The following CD48 variants were observed in gnomAD, a reference collection of about 807,000 sequenced individuals.
The protein encoded by CD48 is CD48 molecule.
A neutral mutation model predicts 22.0 loss-of-function variants in CD48; 20 were observed. That is an observed-to-expected ratio of 0.91 (90% CI 0.64 to 1.32). The LOEUF (loss-of-function observed/expected upper bound fraction) is 1.32. Among genes scored for constraint, CD48 ranks in the 40% most tolerant of loss-of-function variants. The pLI is 0.00. For synonymous variants in CD48, 110 were observed against 110.1 expected (o/e 1.00, Z 0.01); for missense variants, 307 against 286.5 (o/e 1.07, Z -0.52).
chr1:160,702,425 TGAGTTTG>T (rs1460117214), intron 1 of CD48, among the ~76,000 whole-genome samples: 1 of 152,126 alleles, frequency 6.6e-6, no homozygotes, highest in Non-Finnish European at 1.5e-5. Context: ...AATGTTGGTC[TGAGTTTG>T]AAGTGTCCTA....
At chr1:160,684,690 C>T in intron 2 of CD48, 197 bp downstream of exon 2, 1 of 1,477,100 alleles carries the variant, frequency 6.8e-7, no homozygotes. Context: ...GTTAAATGTC[C>T]TAAGATTGTT....
chr1:160,698,126 C>T (rs1298818280), intron 1 of CD48, among the ~76,000 whole-genome samples: 1 of 152,050 alleles, frequency 6.6e-6, no homozygotes, highest in Non-Finnish European at 1.5e-5. Flanking sequence ...TCTAACGGTT[C>T]CTTTACAAAG....
chr1:160,696,332 A>G (rs1301032257), intron 1 of CD48, among the ~76,000 whole-genome samples: 1 of 152,302 alleles, frequency 6.6e-6, no homozygotes, highest in Non-Finnish European at 1.5e-5. Flanking sequence ...TATAGCATGG[A>G]CGATCAGTTA....
intron 1 of CD48, among the ~76,000 whole-genome samples, chr1:160,686,303 CT>C (rs1415597003): frequency 1.3e-5 from 2 of 152,162 alleles, no homozygotes; most frequent in East Asian, 3.9e-4. Flanking sequence ...AAAACTTTCA[CT>C]TCTGAGGCTG....
intron 1 of CD48, among the ~76,000 whole-genome samples, chr1:160,690,982 G>A (rs920736724): frequency 6.6e-6 from 1 of 152,176 alleles, no homozygotes; most frequent in Non-Finnish European, 1.5e-5. Context: ...TAAGGGCGGT[G>A]CAAGATGTGC....
In CD48 at chr1:160,708,224, G is replaced by A. The variant is rs761719081; in HGVS notation, c.82+3458C>T. On this transcript the variant is annotated intron_variant, in intron 1 of 3. Transcript: ENST00000368046. ...AAACACAAAAATGAAATTCATTTGCGGAGTAGGAAGTAGCTCACTGGCTAG... is the reference window on the plus strand; with the variant it reads ...AAACACAAAAATGAAATTCATTTGCAGAGTAGGAAGTAGCTCACTGGCTAG... Among the ~76,000 whole-genome samples the A allele has an allele frequency of 2.1e-4, 32 of 152,232 alleles. 1 individual carries two copies. The highest frequency in any genetic ancestry group is 7.7e-4 in the East Asian group (4 of 5,184).
chr1:160,680,848 A>G (rs1442823209), intron 3 of CD48: 43 of 1,319,604 alleles, frequency 3.3e-5, no homozygotes, highest in Middle Eastern at 2.9e-4. Context: ...CTGCTCGCCC[A>G]CTTGCCCTTC....
intron 1 of CD48, chr1:160,686,843 G>T (rs1453079751): frequency 4.0e-5 from 6 of 150,256 alleles, no homozygotes. Context: ...AGGAGGCAGG[G>T]CGAGATCACA....
rs561044363 is a variant in CD48, at chr1:160,693,794, G to A, written c.83-8605C>T. Reference sequence around the variant, plus strand: ...TGTCGGGAAACTAGCAAAGGGGCCAGCCTCAGGCCCTGCAACAAACTGGGG... The same window carrying A: ...TGTCGGGAAACTAGCAAAGGGGCCAACCTCAGGCCCTGCAACAAACTGGGG... On this transcript the variant is annotated intron_variant, in intron 1 of 3. Transcript: ENST00000368046. Among the ~76,000 whole-genome samples the A allele has an allele frequency of 7.2e-5, 11 of 152,404 alleles. No homozygotes were observed. In the South Asian group the frequency reaches 2.3e-3, roughly 32 times the overall value.
intron 1 of CD48, among the ~76,000 whole-genome samples, chr1:160,707,022 G>A (rs1662816980): frequency 6.6e-6 from 1 of 152,222 alleles, no homozygotes; most frequent in Non-Finnish European, 1.5e-5. Context: ...TGTTAAGGAT[G>A]TGGAGACAGA....
intron 1 of CD48, among the ~76,000 whole-genome samples, chr1:160,688,336 G>T (rs1212015901): frequency 1.3e-5 from 2 of 152,124 alleles, no homozygotes; most frequent in Admixed American, 6.5e-5. Flanking sequence ...TAAATGTATT[G>T]GGGGGAGGAT....
intron 1 of CD48, among the ~76,000 whole-genome samples, chr1:160,700,114 T>C (rs1430058370): frequency 6.6e-6 from 1 of 152,194 alleles, no homozygotes; most frequent in Non-Finnish European, 1.5e-5. Flanking sequence ...AGAAATAAGT[T>C]TGTCTGTAGG....
At chr1:160,687,774 G>A (rs1019513880) in intron 1 of CD48, among the ~76,000 whole-genome samples, 1 of 152,186 alleles carries the variant, frequency 6.6e-6, no homozygotes, top group Admixed American at 6.5e-5. Flanking sequence ...CTACAGTGGA[G>A]CCCCCAGTAG....
chr1:160,685,427 A>G (rs1661963841), intron 1 of CD48, among the ~76,000 whole-genome samples: 1 of 152,214 alleles, frequency 6.6e-6, no homozygotes, highest in Non-Finnish European at 1.5e-5. Flanking sequence ...TACTGTCCCC[A>G]GAAAATGAAA....
chr1:160,689,282 G>A (rs1255746682), intron 1 of CD48, among the ~76,000 whole-genome samples: 1 of 152,162 alleles, frequency 6.6e-6, no homozygotes, highest in African/African-American at 2.4e-5. Flanking sequence ...ACGGTCATCT[G>A]TGGCTCTAGG....
At chr1:160,694,969 C>A (rs949415194) in intron 1 of CD48, among the ~76,000 whole-genome samples, 1 of 152,038 alleles carries the variant, frequency 6.6e-6, no homozygotes, top group East Asian at 1.9e-4. Context: ...CAGCAAATGG[C>A]GTATGTTAAC....
intron 2 of CD48, 150 bp from the exon 3 acceptor site, chr1:160,681,618 G>A: frequency 2.0e-6 from 2 of 991,236 alleles, no homozygotes; most frequent in Non-Finnish European, 1.5e-6. Context: ...GGGAGCCAGT[G>A]AGCAGCCTTG....
At chr1:160,704,931 G>T (rs1309782403) in intron 1 of CD48, among the ~76,000 whole-genome samples, 2 of 152,106 alleles carry the variant, frequency 1.3e-5, no homozygotes, top group Non-Finnish European at 2.9e-5. Flanking sequence ...TTTTTGTGGA[G>T]GGAGAACTTA....
In CD48 at chr1:160,701,175, TAA is replaced by T. The variant is rs34978243; in HGVS notation, c.82+10505_82+10506del. ...ACAATCTGATTTATGTAAAGCAATA[TAA>T]AAAAAAATCTTTAAGATCAATAACT... On this transcript the variant is annotated intron_variant, in intron 1 of 3. Coordinates refer to ENST00000368046, the MANE Select transcript of CD48 (RefSeq NM_001778.4). Among the ~76,000 whole-genome samples, 95 of 136,966 alleles carry T rather than the reference TAA, an allele frequency of 6.9e-4. 1 individual carries two copies. The highest frequency in any genetic ancestry group is 8.2e-4 in the African/African-American group (30 of 36,514). The allele number at this position is 136,966 out of a possible 152,430, so 89.9% of individuals were successfully genotyped here. A position where few individuals can be genotyped will look rare whatever the true frequency, so the allele number is the denominator to read the frequency against.
Sources: allele counts gnomAD v4.1 joint callset (sites outside exome capture counted in the v4.1 genomes callset), GRCh38; gene constraint gnomAD v4.1.1; transcripts MANE v1.5; gene names NCBI Gene and HGNC (gene_info 2026-07-23, HGNC 2026-07-21).